The following ASAP2 variants were observed in gnomAD, a reference collection of about 807,000 sequenced individuals.
ASAP2 encodes the protein arf-GAP with SH3 domain, ANK repeat and PH domain-containing protein 2.
Under a neutral mutation model 131.4 loss-of-function variants are expected in ASAP2, and 45 were observed. That is an observed-to-expected ratio of 0.34 (90% confidence interval 0.27 to 0.44). The LOEUF is 0.44. Among genes scored for constraint, ASAP2 ranks in the 20% least tolerant of loss-of-function variants. The probability of loss-of-function intolerance (pLI) is 1.00; values close to 1 mark genes in which losing one functional copy is unlikely to be tolerated. For synonymous variants in ASAP2, 510 were observed against 503.0 expected (o/e 1.01, Z -0.19); for missense variants, 1,011 against 1,297.0 (o/e 0.78, Z 3.39).
At chr2:9,322,995 G>A in intron 5 of ASAP2, 126 bp from the exon 6 acceptor site, 1 of 1,151,696 alleles carries the variant, frequency 8.7e-7, no homozygotes, top group Non-Finnish European at 1.2e-6. Flanking sequence ...GAGTTGAGAG[G>A]CTGCCTGTGC....
chr2:9,242,333 G>A (rs896133438), intron 1 of ASAP2, among the ~76,000 whole-genome samples: 4 of 152,224 alleles, frequency 2.6e-5, no homozygotes, highest in Non-Finnish European at 5.9e-5. Context: ...GCACACTGGT[G>A]GTGCTTGGTA....
chr2:9,317,444 T>TCA (rs1558325016), intron 3 of ASAP2, among the ~76,000 whole-genome samples: 4 of 3,312 alleles, frequency 1.2e-3, no homozygotes, highest in Non-Finnish European at 1.7e-3. Flanking sequence ...ACTCACATTC[T>TCA]CACACACACA....
At chr2:9,314,699 C>T (rs969974929) in intron 3 of ASAP2, among the ~76,000 whole-genome samples, 3 of 151,832 alleles carry the variant, frequency 2.0e-5, no homozygotes, top group African/African-American at 7.3e-5. Flanking sequence ...TTTGGGAGGC[C>T]GAGGCAGGTG....
At chr2:9,381,025 T>C (rs1328187595) in intron 20 of ASAP2, among the ~76,000 whole-genome samples, 1 of 152,110 alleles carries the variant, frequency 6.6e-6, no homozygotes, top group South Asian at 2.1e-4. Context: ...AGACTTGGGG[T>C]GTGAGTCAGT....
rs751179279 is a variant in ASAP2 at position 9,358,763 on chromosome 2, A to G, written c.1335A>G (p.Thr445=). 6.2e-7 allele frequency: 1 copy of G among 1,612,536 alleles called. No individual in the cohort carries two copies. The highest frequency in any genetic ancestry group is 8.5e-7 in the Non-Finnish European group (1 of 1,179,510). ...VCCDCGAPDP[T]WLSTNLGILT... ...CCCTGTTCTCTTTGGCAGATCCTACATGGCTTTCCACCAACCTGGGCATCC... is the reference window on the plus strand; with the variant it reads ...CCCTGTTCTCTTTGGCAGATCCTACGTGGCTTTCCACCAACCTGGGCATCC... Residue 445 remains threonine (T), a synonymous_variant, in exon 15 of 28, where the codon ACA becomes ACG. Transcript: ENST00000281419.
At chr2:9,300,328 G>A (rs536205442) in intron 3 of ASAP2, among the ~76,000 whole-genome samples, 2 of 152,308 alleles carry the variant, frequency 1.3e-5, no homozygotes, top group East Asian at 1.9e-4. Context: ...CATGGAATCC[G>A]GACGAAACTA....
chr2:9,322,226 A>G (rs1670192956), intron 5 of ASAP2, among the ~76,000 whole-genome samples: 2 of 152,200 alleles, frequency 1.3e-5, no homozygotes, highest in Admixed American at 6.5e-5. Flanking sequence ...ACAGTGCAGG[A>G]CACACAGAGA....
At chr2:9,208,385 A>C (rs1009200421) in intron 1 of ASAP2, among the ~76,000 whole-genome samples, 1 of 149,626 alleles carries the variant, frequency 6.7e-6, no homozygotes, top group African/African-American at 2.5e-5. Context: ...CTTTAAATGA[A>C]GCAATGGCGT....
At chr2:9,387,078 TG>T (rs1000294609) in intron 21 of ASAP2, among the ~76,000 whole-genome samples, 5 of 141,964 alleles carry the variant, frequency 3.5e-5, no homozygotes, top group South Asian at 2.3e-4. Flanking sequence ...TGGTGGTGGG[TG>T]GGGGGGCGCC....
chr2:9,317,065 CCACACAAA>C (rs1173193042), intron 3 of ASAP2, among the ~76,000 whole-genome samples: 1 of 148,644 alleles, frequency 6.7e-6, no homozygotes, highest in Non-Finnish European at 1.5e-5. Context: ...CTCCACACAA[CCACACAAA>C]ATCACATCCA....
At chr2:9,270,723 A>C (rs1384524359) in intron 1 of ASAP2, among the ~76,000 whole-genome samples, 14 of 136,488 alleles carry the variant, frequency 1.0e-4, no homozygotes, top group Non-Finnish European at 2.2e-4. Flanking sequence ...CACCCCACCT[A>C]CCCTTCCCAG....
At chr2:9,225,017 G>A (rs1662665377) in intron 1 of ASAP2, among the ~76,000 whole-genome samples, 1 of 152,222 alleles carries the variant, frequency 6.6e-6, no homozygotes, top group African/African-American at 2.4e-5. Context: ...TGCAGATGGG[G>A]TTCAGGGTAC....
chr2:9,212,253 C>G (rs10519965), intron 1 of ASAP2, among the ~76,000 whole-genome samples: 6,676 of 152,192 alleles, frequency 0.044, 492 homozygotes, highest in African/African-American at 0.15. Context: ...GAACAGAATC[C>G]TGTAAACAAA....
intron 3 of ASAP2, among the ~76,000 whole-genome samples, chr2:9,298,584 C>T (rs1279632338): frequency 6.6e-6 from 1 of 152,246 alleles, no homozygotes; most frequent in Admixed American, 6.5e-5. Context: ...AGCAGTGGAG[C>T]CCTCGCCCTG....
chr2:9,270,347 C>T (rs935302895), intron 1 of ASAP2, among the ~76,000 whole-genome samples: 3 of 152,190 alleles, frequency 2.0e-5, no homozygotes, highest in Non-Finnish European at 4.4e-5. Flanking sequence ...TTAGAATTCT[C>T]AGCCTGATGG....
Position 9,258,615 on chromosome 2 carries a change from CAACAAATGCA to C in ASAP2, c.127-20698_127-20689del, listed in dbSNP as rs1665344753. Among the ~76,000 whole-genome samples, 5 of 152,272 alleles carry C rather than the reference CAACAAATGCA, an allele frequency of 3.3e-5. No homozygotes were observed. The South Asian group carries it at 1.0e-3, about 32-fold the overall frequency. On this transcript the variant is annotated intron_variant, in intron 1 of 27. Transcript: ENST00000281419. ...CACAATGCATGATTTTCAGTCCCCA[CAACAAATGCA>C]AACCTTCCCGGGTCCTGGGGCAGTG... is the stretch of plus-strand genomic sequence containing the variant.
chr2:9,393,663 C>A lies in ASAP2; in HGVS notation c.2684+16C>A. ...CTGCGCCGGGGTAAGCCACCCCCAG[C>A]CAGCTCGGCCATCCGTGCTCCTGCC... On this transcript the variant is annotated intron_variant, in intron 24 of 27. Coordinates refer to ENST00000281419, the MANE Select transcript of ASAP2 (RefSeq NM_003887.3). The A allele has an allele frequency of 6.4e-7, 1 of 1,551,332 alleles. No homozygotes were observed. The highest frequency in any genetic ancestry group is 1.9e-5 in the Admixed American group (1 of 52,652).
intron 1 of ASAP2, among the ~76,000 whole-genome samples, chr2:9,254,106 T>A (rs1412581562): frequency 6.9e-6 from 1 of 144,234 alleles, no homozygotes; most frequent in East Asian, 2.1e-4. Flanking sequence ...CTCAGGAGGC[T>A]GAGGCAGGAG....
intron 15 of ASAP2, among the ~76,000 whole-genome samples, chr2:9,359,110 G>C (rs1167245817): frequency 6.6e-6 from 1 of 152,204 alleles, no homozygotes; most frequent in African/African-American, 2.4e-5. Context: ...AAAGGGGAGT[G>C]AAACCAAAAC....
Sources: gnomAD v4.1 joint callset for allele counts (sites outside exome capture counted in the v4.1 genomes callset) on GRCh38, gnomAD v4.1.1 for gene constraint, MANE v1.5 for transcripts, NCBI Gene and HGNC (gene_info 2026-07-23, HGNC 2026-07-21) for gene names.